The following DYNC2H1 variants were observed in gnomAD, a reference collection of about 807,000 sequenced individuals.
DYNC2H1 encodes dynein cytoplasmic 2 heavy chain 1, also known as cytoplasmic dynein 2 heavy chain 1.
A neutral mutation model predicts 570.0 loss-of-function variants in DYNC2H1; 410 were observed. The ratio of observed to expected loss-of-function variants is 0.72; its 90% CI spans 0.66 to 0.78. The LOEUF (loss-of-function observed/expected upper bound fraction) is 0.78, where lower values mean the gene tolerates loss of function less well. Ranked by LOEUF, DYNC2H1 falls within the 30% of genes least tolerant of loss-of-function variation. The pLI, the probability that DYNC2H1 is intolerant of heterozygous loss-of-function variation, is 0.00. For synonymous variants in DYNC2H1, 1,688 were observed against 1,677.6 expected (o/e 1.01, Z -0.15); for missense variants, 4,865 against 5,046.4 (o/e 0.96, Z 1.09).
chr11:103,342,955 G>A (rs2135489803), intron 82 of DYNC2H1, among the ~76,000 whole-genome samples: 1 of 152,178 alleles, frequency 6.6e-6, no homozygotes, highest in East Asian at 1.9e-4. Context: ...TTGCTATTCT[G>A]TCCTATTTTT....
intron 83 of DYNC2H1, among the ~76,000 whole-genome samples, chr11:103,398,630 T>C (rs1051476573): frequency 6.6e-6 from 1 of 152,160 alleles, no homozygotes; most frequent in Non-Finnish European, 1.5e-5. Flanking sequence ...AAAATTAAGA[T>C]AATGAGTAGT....
intron 82 of DYNC2H1, among the ~76,000 whole-genome samples, chr11:103,353,740 CT>C (rs1940166977): frequency 6.6e-6 from 1 of 152,030 alleles, no homozygotes; most frequent in South Asian, 2.1e-4. Context: ...TAGGTGCCCA[CT>C]TTTAAATATA....
chr11:103,178,958 T>C, intron 38 of DYNC2H1, 68 bp from the exon 39 acceptor site: 1 of 1,401,546 alleles, frequency 7.1e-7, no homozygotes, highest in African/African-American at 1.4e-5. Flanking sequence ...ATTGTTTTAG[T>C]CCTTATTTTT....
chr11:103,211,928 A>C lies in DYNC2H1; in HGVS notation c.8679A>C (p.Arg2893Ser), dbSNP rs898710040. Residue 2893 changes from arginine (R) to serine (S), a missense_variant, in exon 54 of 89, where the codon AGA becomes AGC. Physicochemically the swap from Arg to Ser is moderately radical, Grantham distance 110. Coordinates refer to ENST00000375735, the MANE Select transcript of DYNC2H1 (RefSeq NM_001377.3). The stretch of plus-strand genomic sequence containing the variant: ...GCAAGAAAAAGGAATTATTAAAAAG[A>C]CAAAGTCATTTGCAGGTATAGTATT... Reference protein sequence around the residue: ...SSSKKKELLKRQSHLQAGVSK... With the variant: ...SSSKKKELLKSQSHLQAGVSK... The C allele has an allele frequency of 6.5e-7, 1 of 1,528,770 alleles. No individual in the cohort carries two copies. Among genetic ancestry groups the C allele is most frequent in the African/African-American group, 1.4e-5 (1 of 72,370 alleles). The allele number at this position is 1,528,770 out of a possible 1,614,324, so 94.7% of individuals were successfully genotyped here.
chr11:103,145,108 T>A lies in DYNC2H1; in HGVS notation c.2702+1713T>A, dbSNP rs1179031995. Reference sequence around the variant, plus strand: ...GTTGGCCAGGCTGGTCTCCAACTCTTGACCTCAGGTGATCTGCCCACCTTG... The same window carrying A: ...GTTGGCCAGGCTGGTCTCCAACTCTAGACCTCAGGTGATCTGCCCACCTTG... On this transcript the variant is annotated intron_variant, in intron 18 of 88. Transcript: ENST00000375735. This position sits in a 1 kb window ranked among gnomAD's most constrained non-coding sequence, Gnocchi z 4.2. 6.6e-6 allele frequency among the ~76,000 whole-genome samples: 1 copy of A among 152,126 alleles called. No homozygotes were observed. Among genetic ancestry groups the A allele is most frequent in the African/African-American group, 2.4e-5 (1 of 41,430 alleles).
chr11:103,369,457 G>A lies in DYNC2H1; in HGVS notation c.12156+11098G>A, dbSNP rs1452102090. 2.0e-5 allele frequency among the ~76,000 whole-genome samples: 3 copies of A among 152,284 alleles called. No individual in the cohort carries two copies. Among genetic ancestry groups the A allele is most frequent in the African/African-American group, 4.8e-5 (2 of 41,574 alleles). On this transcript the variant is annotated intron_variant, in intron 83 of 88. Transcript: ENST00000375735. The surrounding 1 kb of genome is among the most constrained non-coding windows in gnomAD (Gnocchi z 4.0). ...AGAGACAGTGAACTGGAAGGGACACGTGACCTACTGAGGCACCTGCTGGGG... is the reference window on the plus strand; with the variant it reads ...AGAGACAGTGAACTGGAAGGGACACATGACCTACTGAGGCACCTGCTGGGG...
chr11:103,253,463 T>TCC lies in DYNC2H1; in HGVS notation c.10206+15_10206+16insCC. On this transcript the variant is annotated intron_variant, in intron 66 of 88. Transcript: ENST00000375735. ...TACGAGGGCAGGTATACATAGATAA[T>TCC]AATAATTTACCTTGGAATCTTTTCG... is the stretch of plus-strand genomic sequence containing the variant. 6.3e-7 allele frequency: 1 copy of TCC among 1,584,302 alleles called. No individual in the cohort carries two copies. Among genetic ancestry groups the TCC allele is most frequent in the Non-Finnish European group, 8.6e-7 (1 of 1,162,548 alleles).
intron 75 of DYNC2H1, among the ~76,000 whole-genome samples, chr11:103,297,859 G>A (rs1866899647): frequency 6.6e-6 from 1 of 151,872 alleles, no homozygotes; most frequent in African/African-American, 2.4e-5. Context: ...CTCAATTACT[G>A]CCATACCTTT....
At position 103,399,713 on chromosome 11, in the gene DYNC2H1, A is replaced by G; in HGVS notation, c.12207A>G (p.Gly4069=). Residue 4069 remains glycine (G), a synonymous_variant, in exon 84 of 89, where the codon GGA becomes GGG. Coordinates refer to ENST00000375735, the MANE Select transcript of DYNC2H1 (RefSeq NM_001377.3). ...QKVPPPNDRQ[G]SPILSFIILE... ...TGCCTCCTCCTAACGATCGACAAGGATCTCCAATACTGTCATTCATCATTC... is the reference window on the plus strand; with the variant it reads ...TGCCTCCTCCTAACGATCGACAAGGGTCTCCAATACTGTCATTCATCATTC... 1 of 1,613,804 alleles carries G rather than the reference A, an allele frequency of 6.2e-7. No homozygotes were observed. Among genetic ancestry groups the G allele is most frequent in the Middle Eastern group, 1.6e-4 (1 of 6,062 alleles).
intron 88 of DYNC2H1, among the ~76,000 whole-genome samples, chr11:103,471,421 A>C (rs577678605): frequency 6.6e-6 from 1 of 152,318 alleles, no homozygotes; most frequent in South Asian, 2.1e-4. Flanking sequence ...TTGTAATCCA[A>C]GTTTCCAAGC....
intron 20 of DYNC2H1, 146 bp downstream of exon 20, chr11:103,148,763 A>G (rs970875013): frequency 1.9e-6 from 2 of 1,074,138 alleles, no homozygotes; most frequent in African/African-American, 1.6e-5. Context: ...TGGTTAGCTC[A>G]TGATTAGACT....
rs757968635 is a variant in DYNC2H1, at chr11:103,245,385, G to A, written c.10042+11G>A. The stretch of plus-strand genomic sequence containing the variant: ...ATCTGGTTGCTCAAGGTAAATAATT[G>A]ACACTTTCCAGAGTGTAAATATTTT... On this transcript the variant is annotated intron_variant, in intron 65 of 88. Coordinates refer to ENST00000375735, the MANE Select transcript of DYNC2H1 (RefSeq NM_001377.3). The surrounding 1 kb of genome is among the most constrained non-coding windows in gnomAD (Gnocchi z 4.5). 10 of 1,572,190 alleles carry A rather than the reference G, an allele frequency of 6.4e-6. No homozygotes were observed. In the African/African-American group the frequency reaches 1.1e-4, roughly 17 times the overall value.
In DYNC2H1 at chr11:103,237,444, A is replaced by G. The variant is rs190508746; in HGVS notation, c.9819+905A>G. Reference sequence around the variant, plus strand: ...TATTAGACCTATTAATCAGCTGACTATGCTTCAGCTCACTGTATTGGTAAC... The same window carrying G: ...TATTAGACCTATTAATCAGCTGACTGTGCTTCAGCTCACTGTATTGGTAAC... On this transcript the variant is annotated intron_variant, in intron 63 of 88. Transcript: ENST00000375735. 2.1e-3 allele frequency among the ~76,000 whole-genome samples: 314 copies of G among 152,154 alleles called. 7 individuals are homozygous for G. Among genetic ancestry groups the G allele is most frequent in the Admixed American group, 0.015 (235 of 15,264 alleles).
rs1354433663 is a variant in DYNC2H1, at chr11:103,134,320, G to C, written c.2107-1G>C. On this transcript the variant is annotated splice_acceptor_variant, in intron 14 of 88. Coordinates refer to ENST00000375735, the MANE Select transcript of DYNC2H1 (RefSeq NM_001377.3). LOFTEE classifies it high-confidence loss of function. ...GACTAGCATGCTCTAATTTTTCATA[G>C]GTGGTTGTTCTTATGAATATTGATC... The C allele has an allele frequency of 6.2e-7, 1 of 1,612,204 alleles. No homozygotes were observed. The highest frequency in any genetic ancestry group is 8.5e-7 in the Non-Finnish European group (1 of 1,178,862).
At chr11:103,460,400 C>T (rs1450155036) in intron 87 of DYNC2H1, among the ~76,000 whole-genome samples, 1 of 148,308 alleles carries the variant, frequency 6.7e-6, no homozygotes, top group African/African-American at 2.5e-5. Context: ...GTATATTGAC[C>T]GTTCTTTCAA....
At chr11:103,327,328 A>G (rs1195340389) in intron 82 of DYNC2H1, among the ~76,000 whole-genome samples, 1 of 151,934 alleles carries the variant, frequency 6.6e-6, no homozygotes, top group Non-Finnish European at 1.5e-5. Flanking sequence ...GTTCTACCCA[A>G]ATACATACGT....
intron 74 of DYNC2H1, 147 bp from the exon 75 acceptor site, chr11:103,287,386 G>GT (rs1866391682): frequency 3.1e-6 from 2 of 651,102 alleles, no homozygotes; most frequent in Non-Finnish European, 5.1e-6. Context: ...TATTGTGACA[G>GT]TTTAAAGCAC....
At position 103,362,320 on chromosome 11, in the gene DYNC2H1, C is replaced by CTTTTTTTTT. The variant is rs879453459; in HGVS notation, c.12156+3965_12156+3973dup. 5.6e-5 allele frequency among the ~76,000 whole-genome samples: 4 copies of CTTTTTTTTT among 71,618 alleles called. 1 individual carries two copies. Among genetic ancestry groups the CTTTTTTTTT allele is most frequent in the African/African-American group, 8.3e-5 (2 of 24,070 alleles). The allele number at this position is 71,618 out of a possible 152,430, so 47.0% of individuals were successfully genotyped here. A position where few individuals can be genotyped will look rare whatever the true frequency, so the allele number is the denominator to read the frequency against. On this transcript the variant is annotated intron_variant, in intron 83 of 88. Transcript: ENST00000375735. ...GCTTCTTAAATATATTAATTTTTTTCTTTTTTTTTTTTCTTTTTTTTTTTT... is the reference window on the plus strand; with the variant it reads ...GCTTCTTAAATATATTAATTTTTTTCTTTTTTTTTTTTTTTTTTTTTCTTTTTTTTTTTT...
At chr11:103,297,967 C>T (rs918316364) in intron 75 of DYNC2H1, among the ~76,000 whole-genome samples, 2 of 152,018 alleles carry the variant, frequency 1.3e-5, no homozygotes, top group Non-Finnish European at 2.9e-5. Flanking sequence ...TTTATATAAG[C>T]GAGATTATTA....
Sources: allele counts gnomAD v4.1 joint callset (sites outside exome capture counted in the v4.1 genomes callset), GRCh38; gene constraint gnomAD v4.1.1; non-coding constraint Gnocchi (gnomAD v3.1); transcripts MANE v1.5; gene names NCBI Gene and HGNC (gene_info 2026-07-23, HGNC 2026-07-21).